DENND1B: variants seen among roughly 807,000 people sequenced by gnomAD.
The protein encoded by DENND1B is DENN domain containing 1B, also known as DENN domain-containing protein 1B.
Under a neutral mutation model 90.1 loss-of-function variants are expected in DENND1B, and 59 were observed. The ratio of observed to expected loss-of-function variants is 0.65; its 90% CI spans 0.53 to 0.81. DENND1B has a LOEUF of 0.81. Ranked by LOEUF, DENND1B falls within the 40% of genes least tolerant of loss-of-function variation. The pLI is 0.00. For synonymous variants in DENND1B, 337 were observed against 324.6 expected (o/e 1.04, Z -0.41); for missense variants, 862 against 912.6 (o/e 0.94, Z 0.71).
At chr1:197,613,476 G>A (rs1302866831) in intron 11 of DENND1B, among the ~76,000 whole-genome samples, 1 of 150,022 alleles carries the variant, frequency 6.7e-6, no homozygotes, top group African/African-American at 2.4e-5. Context: ...CTGATATTCT[G>A]GATACTTCAC....
chr1:197,570,377 A>G (rs1311881512), intron 15 of DENND1B, among the ~76,000 whole-genome samples: 2 of 152,216 alleles, frequency 1.3e-5, no homozygotes, highest in African/African-American at 4.8e-5. Flanking sequence ...TTTATCAAAT[A>G]ATAAGTACTC....
intron 2 of DENND1B, among the ~76,000 whole-genome samples, chr1:197,740,605 G>T (rs946906904): frequency 1.3e-5 from 2 of 152,096 alleles, no homozygotes; most frequent in Non-Finnish European, 2.9e-5. Flanking sequence ...TAATGTAGTT[G>T]AAGAACTAAA....
At chr1:197,608,078 T>G (rs1676853623) in intron 12 of DENND1B, among the ~76,000 whole-genome samples, 1 of 150,658 alleles carries the variant, frequency 6.6e-6, no homozygotes, top group African/African-American at 2.4e-5. Context: ...GAGTGTAGTA[T>G]TTTTTAAGTG....
rs939555798 is a variant in DENND1B, at chr1:197,506,084, G to C, written c.*4376C>G. 6.6e-6 allele frequency: 1 copy of C among 151,466 alleles called. No individual in the cohort carries two copies. Among genetic ancestry groups the C allele is most frequent in the Non-Finnish European group, 1.5e-5 (1 of 67,634 alleles). 9.4% of individuals were successfully genotyped at this position (151,466 alleles called of 1,614,324 possible). A position where few individuals can be genotyped will look rare whatever the true frequency, so the allele number is the denominator to read the frequency against. On this transcript the variant is annotated 3_prime_UTR_variant, in exon 23 of 23. Transcript: ENST00000620048. ...ATATATTTTTTTCTGAAATCAATGA[G>C]AACATTGCTACATACAGATTTACTC...
chr1:197,538,949 GGGCCTCATAA>G (rs1439412975), intron 20 of DENND1B, among the ~76,000 whole-genome samples: 5 of 152,080 alleles, frequency 3.3e-5, no homozygotes, highest in Admixed American at 6.5e-5. Context: ...ACAGCAAGAA[GGGCCTCATAA>G]GGTGCCAGTG....
intron 10 of DENND1B, among the ~76,000 whole-genome samples, chr1:197,628,256 T>C (rs1006040255): frequency 1.3e-5 from 2 of 152,068 alleles, no homozygotes; most frequent in African/African-American, 4.8e-5. Context: ...GGAGGCATCA[T>C]GCTACCTGAC....
intron 2 of DENND1B, among the ~76,000 whole-genome samples, chr1:197,726,820 C>T (rs1243320324): frequency 2.6e-5 from 4 of 152,186 alleles, no homozygotes; most frequent in Non-Finnish European, 5.9e-5. Context: ...TCTATACCTT[C>T]ATGTTAGAGA....
intron 6 of DENND1B, among the ~76,000 whole-genome samples, chr1:197,653,759 T>C (rs957123245): frequency 1.1e-4 from 17 of 151,960 alleles, no homozygotes; most frequent in Non-Finnish European, 1.9e-4. Context: ...ATACACACTA[T>C]GGAGATAATA....
intron 3 of DENND1B, among the ~76,000 whole-genome samples, chr1:197,707,887 G>T (rs1434372334): frequency 6.7e-6 from 1 of 149,684 alleles, no homozygotes; most frequent in Admixed American, 6.7e-5. Context: ...TGCGCGAGCC[G>T]AAGCAGGGCG....
At chr1:197,563,544 A>T (rs948541037) in intron 15 of DENND1B, among the ~76,000 whole-genome samples, 4 of 151,934 alleles carry the variant, frequency 2.6e-5, no homozygotes, top group African/African-American at 9.7e-5. Context: ...CTCCTTTCAA[A>T]ACATGACTGC....
At chr1:197,767,789 A>C (rs1655876786) in intron 2 of DENND1B, among the ~76,000 whole-genome samples, 2 of 152,170 alleles carry the variant, frequency 1.3e-5, no homozygotes, top group Non-Finnish European at 2.9e-5. Context: ...ATTATATTGG[A>C]TTCATTAATT....
In DENND1B at chr1:197,510,926, C is replaced by T; in HGVS notation, c.1862G>A (p.Gly621Asp). ...PSENNLAFLCGGSGDQAEWNL... is the reference protein window; with the variant it reads ...PSENNLAFLCDGSGDQAEWNL... Reference sequence around the variant, plus strand: ...CCACTCTGCTTGGTCACCAGAACCACCACAGAGGAAAGCCAGGTTATTCTC... The same window carrying T: ...CCACTCTGCTTGGTCACCAGAACCATCACAGAGGAAAGCCAGGTTATTCTC... Residue 621 changes from glycine (G) to aspartate (D), a missense_variant, in exon 23 of 23, where the codon GGT (glycine) becomes GAT (aspartate). Physicochemically the swap from Gly to Asp is moderately conservative, Grantham distance 94. Coordinates refer to ENST00000620048, the MANE Select transcript of DENND1B (RefSeq NM_001195215.2). 6.4e-7 allele frequency: 1 copy of T among 1,566,848 alleles called. No individual in the cohort carries two copies. Among genetic ancestry groups the T allele is most frequent in the Non-Finnish European group, 8.6e-7 (1 of 1,160,696 alleles).
At chr1:197,605,002 C>T (rs953670371) in intron 13 of DENND1B, among the ~76,000 whole-genome samples, 1 of 151,048 alleles carries the variant, frequency 6.6e-6, no homozygotes, top group African/African-American at 2.4e-5. Flanking sequence ...AGTAAATGGT[C>T]CTAGCTCCAT....
At chr1:197,699,135 C>G (rs962584538) in intron 3 of DENND1B, among the ~76,000 whole-genome samples, 18 of 152,036 alleles carry the variant, frequency 1.2e-4, no homozygotes, top group South Asian at 4.1e-4. Context: ...GCCAATATCC[C>G]CAATGAACAC....
At position 197,604,295 on chromosome 1, in the gene DENND1B, A is replaced by G. The variant is rs1245613642; in HGVS notation, c.921+2778T>C. ...GAAAAGAGGTTTTCCCCCTCCCTTA[A>G]CGAAAACAAAGGAATCCTGAAAGCT... is the stretch of plus-strand genomic sequence containing the variant. On this transcript the variant is annotated intron_variant, in intron 13 of 22. Coordinates refer to ENST00000620048, the MANE Select transcript of DENND1B (RefSeq NM_001195215.2). 2.6e-5 allele frequency among the ~76,000 whole-genome samples: 4 copies of G among 151,256 alleles called. No homozygotes were observed. The East Asian group carries it at 7.8e-4, about 29-fold the overall frequency.
intron 12 of DENND1B, among the ~76,000 whole-genome samples, chr1:197,610,034 T>C (rs996918185): frequency 6.6e-6 from 1 of 150,788 alleles, no homozygotes; most frequent in Non-Finnish European, 1.5e-5. Context: ...CATCTTGTAA[T>C]AGATTAACAA....
At chr1:197,549,638 T>C (rs1247650918) in intron 16 of DENND1B, among the ~76,000 whole-genome samples, 1 of 152,148 alleles carries the variant, frequency 6.6e-6, no homozygotes, top group Non-Finnish European at 1.5e-5. Flanking sequence ...CAACACTGTG[T>C]TTACTTAAAT....
chr1:197,626,372 T>C (rs2125884296), intron 10 of DENND1B, among the ~76,000 whole-genome samples: 1 of 152,154 alleles, frequency 6.6e-6, no homozygotes, highest in Non-Finnish European at 1.5e-5. Flanking sequence ...AGAAACTCAC[T>C]CAAAACCACT....
At chr1:197,538,051 A>G (rs941615099) in intron 20 of DENND1B, among the ~76,000 whole-genome samples, 1 of 152,114 alleles carries the variant, frequency 6.6e-6, no homozygotes, top group African/African-American at 2.4e-5. Context: ...AATTAATTAA[A>G]ATATGAGGAG....
Sources: allele counts gnomAD v4.1 joint callset (sites outside exome capture counted in the v4.1 genomes callset), GRCh38; gene constraint gnomAD v4.1.1; transcripts MANE v1.5; gene names NCBI Gene and HGNC (gene_info 2026-07-23, HGNC 2026-07-21).